Variants in GRN observed in about 807,000 individuals in gnomAD.
GRN encodes the protein granulin precursor.
Under a neutral mutation model 66.7 loss-of-function variants are expected in GRN, and 30 were observed. The observed-to-expected ratio is 0.45, with a 90% CI of 0.34 to 0.61. The LOEUF (loss-of-function observed/expected upper bound fraction) is 0.61, where lower values mean the gene tolerates loss of function less well. Ranked by LOEUF, GRN falls within the 20% of genes least tolerant of loss-of-function variation. The pLI is 0.01. For missense variants in GRN, 731 were observed against 803.5 expected (o/e 0.91, Z 1.09); for synonymous variants, 327 against 311.1 (o/e 1.05, Z -0.54).
intron 10 of GRN, 48 bp downstream of exon 10, chr17:44,351,843 G>A: frequency 6.3e-7 from 1 of 1,595,174 alleles, no homozygotes; most frequent in Non-Finnish European, 8.6e-7. Context: ...GGGTGGCCAA[G>A]CTCCTATTGC....
intron 1 of GRN, among the ~76,000 whole-genome samples, chr17:44,346,381 GTGAC>G (rs2048326661): frequency 6.6e-6 from 1 of 152,192 alleles, no homozygotes; most frequent in East Asian, 1.9e-4. Flanking sequence ...GAGGATGTGA[GTGAC>G]TGGGTGGGTG....
Position 44,351,795 on chromosome 17 carries a change from G to C in GRN, c.1179G>C (p.Glu393Asp). The part of the protein sequence containing the change: ...SGEWGCCPIP[E>D]AVCCSDHQHC... The stretch of plus-strand genomic sequence containing the variant: ...AGTGGGGCTGCTGTCCAATCCCAGA[G>C]GTATATGGGAGGGGACAGCATCTTG... Residue 393 changes from glutamate to aspartate, a missense_variant and splice_region_variant, in exon 10 of 13, where the codon GAG becomes GAC. Physicochemically the swap from Glu to Asp is conservative, Grantham distance 45. Transcript: ENST00000053867. 6.2e-7 allele frequency: 1 copy of C among 1,612,914 alleles called. No individual in the cohort carries two copies. Among genetic ancestry groups the C allele is most frequent in the East Asian group, 2.2e-5 (1 of 44,886 alleles).
Position 44,351,674 on chromosome 17 carries a change from G to A in GRN, c.1058G>A (p.Ser353Asn), listed in dbSNP as rs1234542842. Reference sequence around the variant, plus strand: ...ATGGAGAAGGCCCCAGCTCACCTCAGCCTGCCAGACCCACAAGCCTTGAAG... The same window carrying A: ...ATGGAGAAGGCCCCAGCTCACCTCAACCTGCCAGACCCACAAGCCTTGAAG... ...PWMEKAPAHL[S>N]LPDPQALKRD... The change falls in exon 10 of 13, where the codon AGC (serine) becomes AAC (asparagine). Residue 353 changes from serine to asparagine, a missense_variant. Coordinates refer to ENST00000053867, the MANE Select transcript of GRN (RefSeq NM_002087.4). The A allele has an allele frequency of 2.5e-6, 4 of 1,613,954 alleles. No homozygotes were observed. The highest frequency in any genetic ancestry group is 2.5e-6 in the Non-Finnish European group (3 of 1,180,006).
chr17:44,351,030 C>T lies in GRN; in HGVS notation c.709-7C>T. 1 of 1,613,386 alleles carries T rather than the reference C, an allele frequency of 6.2e-7. No homozygotes were observed. Among genetic ancestry groups the T allele is most frequent in the South Asian group, 1.1e-5 (1 of 91,084 alleles). On this transcript the variant is annotated splice_polypyrimidine_tract_variant and splice_region_variant and intron_variant, in intron 7 of 12. Coordinates refer to ENST00000053867, the MANE Select transcript of GRN (RefSeq NM_002087.4). ...AGTGACAAAGACCCACCCCTGTCCC[C>T]ACTCAGGCCACCTGCTGCTCCGATC...
At chr17:44,347,445 C>T (rs752387009) in intron 1 of GRN, among the ~76,000 whole-genome samples, 32 of 151,886 alleles carry the variant, frequency 2.1e-4, no homozygotes, top group Admixed American at 1.2e-3. Context: ...TGCGCTACCA[C>T]GCATGGCTAA....
intron 8 of GRN, 96 bp downstream of exon 8, chr17:44,351,259 C>T: frequency 1.9e-6 from 3 of 1,551,486 alleles, no homozygotes; most frequent in Non-Finnish European, 2.7e-6. Context: ...AAGCGGTACC[C>T]TCCATCTTCA....
chr17:44,351,921 T>C, intron 10 of GRN, 94 bp from the exon 11 acceptor site: 4 of 1,462,172 alleles, frequency 2.7e-6, no homozygotes, highest in Non-Finnish European at 3.8e-6. Flanking sequence ...CTGGAGGTGC[T>C]GTAAGCAGGA....
At position 44,349,233 on chromosome 17, in the gene GRN, T is replaced by C. The variant is rs756420341; in HGVS notation, c.69T>C (p.Gly23=). Reference sequence around the variant, plus strand: ...TGGCTGGAACGCGGTGCCCAGATGGTCAGTTCTGCCCTGTGGCCTGCTGCC... The same window carrying C: ...TGGCTGGAACGCGGTGCCCAGATGGCCAGTTCTGCCCTGTGGCCTGCTGCC... ...GLVAGTRCPD[G]QFCPVACCLD... The change falls in exon 2 of 13, where the codon GGT becomes GGC. Residue 23 remains glycine, a synonymous_variant. Transcript: ENST00000053867. The C allele has an allele frequency of 6.2e-6, 10 of 1,614,028 alleles. No individual in the cohort carries two copies. Among genetic ancestry groups the C allele is most frequent in the Middle Eastern group, 1.6e-4 (1 of 6,062 alleles).
intron 1 of GRN, 62 bp from the exon 2 acceptor site, chr17:44,349,096 A>AC (rs2048346586): frequency 1.3e-6 from 2 of 1,583,900 alleles, no homozygotes; most frequent in Admixed American, 3.3e-5. Context: ...GTACTGAGTG[A>AC]CCCTAGAATC....
chr17:44,346,412 C>T (rs1014487085), intron 1 of GRN, among the ~76,000 whole-genome samples: 3 of 152,162 alleles, frequency 2.0e-5, no homozygotes, highest in Non-Finnish European at 4.4e-5. Flanking sequence ...CCTGCCCCTC[C>T]CCCCGCAGTG....
chr17:44,350,380 G>C (rs371051305), intron 5 of GRN, 40 bp downstream of exon 5: 2 of 1,611,974 alleles, frequency 1.2e-6, no homozygotes, highest in Non-Finnish European at 1.7e-6. Context: ...GGAGGGAAGT[G>C]GGGGCAGAGT....
intron 1 of GRN, among the ~76,000 whole-genome samples, chr17:44,347,885 G>A (rs1003299717): frequency 6.7e-6 from 1 of 149,308 alleles, no homozygotes; most frequent in African/African-American, 2.5e-5. Flanking sequence ...AGCTGAGATC[G>A]TGCCACTGAA....
Position 44,349,210 on chromosome 17 carries a change from G to T in GRN, c.46G>T (p.Ala16Ser), listed in dbSNP as rs1482233397. 1 of 1,614,102 alleles carries T rather than the reference G, an allele frequency of 6.2e-7. No homozygotes were observed. Among genetic ancestry groups the T allele is most frequent in the Non-Finnish European group, 8.5e-7 (1 of 1,179,988 alleles). Residue 16 changes from alanine to serine, a missense_variant, in exon 2 of 13, where the codon GCT becomes TCT. Physicochemically the swap from Ala to Ser is moderately conservative, Grantham distance 99 (BLOSUM62 1). This residue lies in a region of GRN where 370 missense variants were observed against 379.8 expected (regional missense o/e 0.97). Transcript: ENST00000053867. ...SWVALTAGLVAGTRCPDGQFC... is the reference protein window; with the variant it reads ...SWVALTAGLVSGTRCPDGQFC... Reference sequence around the variant, plus strand: ...GGTGGCCTTAACAGCAGGGCTGGTGGCTGGAACGCGGTGCCCAGATGGTCA... The same window carrying T: ...GGTGGCCTTAACAGCAGGGCTGGTGTCTGGAACGCGGTGCCCAGATGGTCA...
chr17:44,349,055 T>C, intron 1 of GRN, 103 bp from the exon 2 acceptor site: 1 of 1,300,290 alleles, frequency 7.7e-7, no homozygotes, highest in East Asian at 2.3e-5. Context: ...GCTCAGGCAG[T>C]CCTGGGCCAG....
At chr17:44,352,320 C>A in intron 11 of GRN, 21 bp from the exon 12 acceptor site, 1 of 1,607,326 alleles carries the variant, frequency 6.2e-7, no homozygotes, top group South Asian at 1.1e-5. Context: ...TAATGCCATT[C>A]TGTGCTCCCT....
rs1183887014 is a variant in GRN at position 44,350,124 on chromosome 17, C to T, written c.350-104C>T. 8.3e-6 allele frequency: 7 copies of T among 843,668 alleles called. No homozygotes were observed. The Admixed American group carries it at 1.2e-4, about 14-fold the overall frequency. The allele number at this position is 843,668 out of a possible 1,614,324, so 52.3% of individuals were successfully genotyped here. Reference sequence around the variant, plus strand: ...TGAGCCTTAGTGTCACCCTCAAACCCCAGTAGCTGGGCTTGCAGGCCCTGG... The same window carrying T: ...TGAGCCTTAGTGTCACCCTCAAACCTCAGTAGCTGGGCTTGCAGGCCCTGG... On this transcript the variant is annotated intron_variant, in intron 4 of 12. Transcript: ENST00000053867.
At position 44,352,538 on chromosome 17, in the gene GRN, C is replaced by T; in HGVS notation, c.1611C>T (p.Asn537=). Residue 537 remains asparagine (N), a synonymous_variant, in exon 12 of 13, where the codon AAC becomes AAT. Transcript: ENST00000053867. The part of the protein sequence containing the change: ...CHDNQTCCRD[N]RQGWACCPYR... ...ATAACCAGACCTGCTGCCGAGACAA[C>T]CGACAGGGCTGGGCCTGCTGTCCCT... The T allele has an allele frequency of 6.2e-7, 1 of 1,613,580 alleles. No individual in the cohort carries two copies. The highest frequency in any genetic ancestry group is 8.5e-7 in the Non-Finnish European group (1 of 1,179,898).
chr17:44,351,889 G>A, intron 10 of GRN, 94 bp downstream of exon 10: 2 of 1,508,376 alleles, frequency 1.3e-6, no homozygotes, highest in African/African-American at 1.4e-5. Flanking sequence ...GTGATACCCA[G>A]CTCTGACAGA....
chr17:44,346,011 G>C (rs148814777), intron 1 of GRN: 1 of 152,372 alleles, frequency 6.6e-6, no homozygotes, highest in Non-Finnish European at 1.5e-5. Context: ...GAGAGACTGC[G>C]ACTCGCCTCC....
Sources: gnomAD v4.1 joint callset for allele counts (sites outside exome capture counted in the v4.1 genomes callset) on GRCh38, gnomAD v4.1.1 for gene constraint, gnomAD v4.1.1 regional missense constraint, MANE v1.5 for transcripts, NCBI Gene and HGNC (gene_info 2026-07-23, HGNC 2026-07-21) for gene names.